Variants in CDH23 observed in about 807,000 individuals in gnomAD.
The protein encoded by CDH23 is cadherin related 23.
CDH23 carries 189 observed loss-of-function variants against 317.1 expected under a neutral mutation model. The ratio of observed to expected loss-of-function variants is 0.60; its 90% CI spans 0.53 to 0.67. The LOEUF (loss-of-function observed/expected upper bound fraction) is 0.67, where lower values mean the gene tolerates loss of function less well. Among genes scored for constraint, CDH23 ranks in the 30% least tolerant of loss-of-function variants. The pLI is 0.00. For synonymous variants in CDH23, 1,839 were observed against 1,876.8 expected, an observed-to-expected ratio of 0.98 and a Z score of 0.52; for missense variants, 4,401 against 4,592.4, an observed-to-expected ratio of 0.96 and a Z score of 1.20.
chr10:71,698,300 A>G (rs1393677739), intron 22 of CDH23, among the ~76,000 whole-genome samples: 1 of 152,192 alleles, frequency 6.6e-6, no homozygotes, highest in Non-Finnish European at 1.5e-5. Context: ...ATACATATGT[A>G]TATACATGGG....
intron 38 of CDH23, chr10:71,748,460 A>G: frequency 6.6e-6 from 1 of 151,336 alleles, no homozygotes. Context: ...TGTCAGCAAA[A>G]CCCTCCAAAT....
chr10:71,663,076 C>T (rs1863745361), intron 14 of CDH23, among the ~76,000 whole-genome samples: 1 of 152,200 alleles, frequency 6.6e-6, no homozygotes, highest in Non-Finnish European at 1.5e-5. Flanking sequence ...CCAGGATGGT[C>T]TCCTCAAAAT....
At chr10:71,656,384 TCCTCCTTCCCCTC>T (rs1863418542) in intron 14 of CDH23, among the ~76,000 whole-genome samples, 1 of 152,076 alleles carries the variant, frequency 6.6e-6, no homozygotes, top group African/African-American at 2.4e-5. Flanking sequence ...TCGTCTGCTC[TCCTCCTTCCCCTC>T]CCAGAGCAGA....
intron 17 of CDH23, 81 bp downstream of exon 17, chr10:71,679,573 G>A: frequency 8.9e-7 from 1 of 1,120,216 alleles, no homozygotes; most frequent in East Asian, 2.6e-5. Context: ...TTGTGGGGAT[G>A]AGGCGGGCAC....
At position 71,624,348 on chromosome 10, in the gene CDH23, A is replaced by AT. The variant is rs202202101; in HGVS notation, c.1134+6957dup. Among the ~76,000 whole-genome samples the AT allele has an allele frequency of 9.1e-3, 1,386 of 152,364 alleles. 26 individuals carry two copies. The highest frequency in any genetic ancestry group is 0.032 in the African/African-American group (1,332 of 41,574). ...GGCAGCTGGAGTTGTTAGAAATAAA[A>AT]TTAACCAGCCAGACAGCCTGGGTCT... On this transcript the variant is annotated intron_variant, in intron 11 of 69. Coordinates refer to ENST00000224721, the MANE Select transcript of CDH23 (RefSeq NM_022124.6).
At chr10:71,770,673 A>G (rs1840665242) in intron 38 of CDH23, among the ~76,000 whole-genome samples, 1 of 152,098 alleles carries the variant, frequency 6.6e-6, no homozygotes, top group South Asian at 2.1e-4. Flanking sequence ...TCTTCCTTTC[A>G]TCTGCTCAGG....
intron 1 of CDH23, among the ~76,000 whole-genome samples, chr10:71,401,356 G>C (rs1489402882): frequency 1.3e-5 from 2 of 152,154 alleles, no homozygotes; most frequent in Middle Eastern, 3.2e-3. Flanking sequence ...GCTCCTCCAG[G>C]GCACAGGCTG....
chr10:71,629,645 C>T (rs1049436292), intron 11 of CDH23, among the ~76,000 whole-genome samples: 2 of 152,212 alleles, frequency 1.3e-5, no homozygotes, highest in Admixed American at 1.3e-4. Flanking sequence ...TGCCTTCATG[C>T]GGTGGGCCAT....
intron 9 of CDH23, among the ~76,000 whole-genome samples, chr10:71,614,688 G>A (rs567228524): frequency 2.0e-5 from 3 of 152,342 alleles, no homozygotes; most frequent in South Asian, 4.1e-4. Flanking sequence ...TTCTGGAGGA[G>A]GAGAAGAGGC....
intron 14 of CDH23, among the ~76,000 whole-genome samples, chr10:71,652,185 A>G (rs1022510632): frequency 6.6e-6 from 1 of 152,188 alleles, no homozygotes; most frequent in Non-Finnish European, 1.5e-5. Flanking sequence ...TCTCAGCTCC[A>G]GACAGACAGG....
Position 71,790,269 on chromosome 10 carries a change from C to A in CDH23, c.5924-19C>A. 6.2e-7 allele frequency: 1 copy of A among 1,613,126 alleles called. No homozygotes were observed. The highest frequency in any genetic ancestry group is 8.5e-7 in the Non-Finnish European group (1 of 1,179,628). On this transcript the variant is annotated intron_variant, in intron 45 of 69. Transcript: ENST00000224721. ...GGGGCTGGGTTGGTCTTGTGGTGAC[C>A]CCTCTCCTTCTGGCCCAGGCACCCC... is the stretch of plus-strand genomic sequence containing the variant.
intron 28 of CDH23, among the ~76,000 whole-genome samples, chr10:71,723,353 A>C (rs989874241): frequency 1.3e-5 from 2 of 151,942 alleles, no homozygotes; most frequent in Non-Finnish European, 2.9e-5. Flanking sequence ...TCGAGGCTGC[A>C]CTCCTTGTAA....
chr10:71,726,761 C>T (rs189894344), intron 30 of CDH23, among the ~76,000 whole-genome samples: 80 of 152,338 alleles, frequency 5.3e-4, no homozygotes, highest in African/African-American at 1.8e-3. Context: ...CTGATGTCAG[C>T]GAAGCTGGGG....
In CDH23 at chr10:71,563,165, T is replaced by C. The variant is rs542220802; in HGVS notation, c.430-3577T>C. Reference sequence around the variant, plus strand: ...ACCCGATTTCCACTCTTCGACTCTGTCATGATCCACTTGTGAGGCCTGGAG... The same window carrying C: ...ACCCGATTTCCACTCTTCGACTCTGCCATGATCCACTTGTGAGGCCTGGAG... On this transcript the variant is annotated intron_variant, in intron 6 of 69. Coordinates refer to ENST00000224721, the MANE Select transcript of CDH23 (RefSeq NM_022124.6). 1.1e-4 allele frequency among the ~76,000 whole-genome samples: 17 copies of C among 152,274 alleles called. No homozygotes were observed. In the East Asian group the frequency reaches 3.1e-3, roughly 28 times the overall value.
intron 1 of CDH23, among the ~76,000 whole-genome samples, chr10:71,439,099 C>G (rs1232883841): frequency 5.3e-5 from 8 of 152,122 alleles, no homozygotes; most frequent in Non-Finnish European, 1.2e-4. Flanking sequence ...AGGATCTGGT[C>G]TTTCAGAACC....
chr10:71,792,820 TAAAAAAAAAAAAAAAAAAA>T (rs1158593304), intron 47 of CDH23, among the ~76,000 whole-genome samples: 4 of 47,910 alleles, frequency 8.3e-5, no homozygotes, highest in East Asian at 7.6e-4. Context: ...AGACTCCATC[TAAAAAAAAAAAAAAAAAAA>T]AAAAAAAAAA....
At chr10:71,508,998 G>C (rs1853802677) in intron 3 of CDH23, among the ~76,000 whole-genome samples, 1 of 152,154 alleles carries the variant, frequency 6.6e-6, no homozygotes. Flanking sequence ...GGGGAGCTGT[G>C]AGCCCCAGGA....
intron 3 of CDH23, among the ~76,000 whole-genome samples, chr10:71,466,573 TGTGA>T (rs761403172): frequency 2.6e-5 from 4 of 152,228 alleles, no homozygotes; most frequent in Admixed American, 1.3e-4. Flanking sequence ...TGTGTGCATG[TGTGA>T]GTGTGTCCAT....
At chr10:71,662,670 T>A (rs1039885792) in intron 14 of CDH23, among the ~76,000 whole-genome samples, 1 of 152,156 alleles carries the variant, frequency 6.6e-6, no homozygotes, top group African/African-American at 2.4e-5. Context: ...GCCCTTCCCC[T>A]TTTCCTTTTC....
Sources: allele counts gnomAD v4.1 joint callset (sites outside exome capture counted in the v4.1 genomes callset), GRCh38; gene constraint gnomAD v4.1.1; transcripts MANE v1.5; gene names NCBI Gene and HGNC (gene_info 2026-07-23, HGNC 2026-07-21).